The following INTS8 variants were observed in gnomAD, a reference collection of about 807,000 sequenced individuals.
INTS8 encodes the protein integrator complex subunit 8, also known as protein kaonashi-1.
In INTS8, 47 loss-of-function variants were observed where a neutral mutation model predicts 138.9. That is an observed-to-expected ratio of 0.34 (90% CI 0.27 to 0.43). The LOEUF (loss-of-function observed/expected upper bound fraction) is 0.43. Among genes scored for constraint, INTS8 ranks in the 20% least tolerant of loss-of-function variants. The probability of loss-of-function intolerance (pLI) is 1.00; values close to 1 mark genes in which losing one functional copy is unlikely to be tolerated. For synonymous variants in INTS8, 392 were observed against 400.9 expected (o/e 0.98, Z 0.27); for missense variants, 996 against 1,173.0 (o/e 0.85, Z 2.20).
chr8:94,847,371 T>C (rs558772230), intron 10 of INTS8, among the ~76,000 whole-genome samples: 1 of 152,282 alleles, frequency 6.6e-6, no homozygotes, highest in African/African-American at 2.4e-5. Context: ...TTCTTGTCCT[T>C]CCTTTGATTT....
intron 5 of INTS8, among the ~76,000 whole-genome samples, chr8:94,829,692 A>G (rs1814640940): frequency 1.3e-5 from 2 of 152,278 alleles, no homozygotes; most frequent in South Asian, 2.1e-4. Flanking sequence ...GGTTTTTACT[A>G]TTAGGATATA....
intron 1 of INTS8, 101 bp downstream of exon 1, chr8:94,823,662 C>T: frequency 1.0e-6 from 1 of 987,382 alleles, no homozygotes; most frequent in Non-Finnish European, 1.5e-6. Flanking sequence ...AAGCTGCGGC[C>T]TGGGAGGCGC....
At chr8:94,836,249 C>T (rs2131006296) in intron 6 of INTS8, among the ~76,000 whole-genome samples, 1 of 152,230 alleles carries the variant, frequency 6.6e-6, no homozygotes, top group South Asian at 2.1e-4. Context: ...CTGCATGCCT[C>T]CTTTGCCCTT....
At position 94,859,517 on chromosome 8, in the gene INTS8, C is replaced by G. The variant is rs1363272902; in HGVS notation, c.1961C>G (p.Pro654Arg). 1.2e-6 allele frequency: 2 copies of G among 1,611,828 alleles called. No individual in the cohort carries two copies. The highest frequency in any genetic ancestry group is 2.7e-5 in the African/African-American group (2 of 74,768). Reference sequence around the variant, plus strand: ...TTTCTTCTTTGCTTTTTAGATATTCCTCTTCGTCAAGTTATAGCTGAGGAA... The same window carrying G: ...TTTCTTCTTTGCTTTTTAGATATTCGTCTTCGTCAAGTTATAGCTGAGGAA... ...GYLEMRLPDI[P>R]LRQVIAEECV... is the part of the protein sequence containing the mutation. Residue 654 changes from proline (P) to arginine (R), a missense_variant, in exon 16 of 27, where the codon CCT becomes CGT. By Grantham distance (103) the Pro-to-Arg change is moderately radical (BLOSUM62 -2). Coordinates refer to ENST00000523731, the MANE Select transcript of INTS8 (RefSeq NM_017864.4).
At chr8:94,837,987 G>C (rs548333991) in intron 7 of INTS8, among the ~76,000 whole-genome samples, 26 of 146,066 alleles carry the variant, frequency 1.8e-4, no homozygotes, top group African/African-American at 5.8e-4. Context: ...TTTGACCCCT[G>C]TTCTAAACCT....
Position 94,853,788 on chromosome 8 carries a change from T to A in INTS8, c.1642-17T>A. ...CTCTATGTGTGCATATATATATGTA[T>A]TTTTTGTTTCTTTTAGTGGGAAGTA... On this transcript the variant is annotated splice_polypyrimidine_tract_variant and intron_variant, in intron 13 of 26. Coordinates refer to ENST00000523731, the MANE Select transcript of INTS8 (RefSeq NM_017864.4). 7.1e-7 allele frequency: 1 copy of A among 1,413,870 alleles called. No individual in the cohort carries two copies. Among genetic ancestry groups the A allele is most frequent in the Non-Finnish European group, 1.0e-6 (1 of 998,138 alleles). 87.6% of individuals were successfully genotyped at this position (1,413,870 alleles called of 1,614,324 possible).
chr8:94,875,144 CAT>C (rs1406814914), intron 23 of INTS8, among the ~76,000 whole-genome samples: 2 of 152,144 alleles, frequency 1.3e-5, no homozygotes, highest in East Asian at 1.9e-4. Context: ...CAACTGAAAA[CAT>C]ATGTCCACAG....
chr8:94,881,352 T>C lies in INTS8; in HGVS notation c.*1118T>C. 2.4e-6 allele frequency: 1 copy of C among 411,852 alleles called. No individual in the cohort carries two copies. The highest frequency in any genetic ancestry group is 6.5e-5 in the South Asian group (1 of 15,400). The allele number at this position is 411,852 out of a possible 1,614,324, so 25.5% of individuals were successfully genotyped here. On this transcript the variant is annotated 3_prime_UTR_variant, in exon 27 of 27. Coordinates refer to ENST00000523731, the MANE Select transcript of INTS8 (RefSeq NM_017864.4). ...GTAACACTGGATTAAAGGAAAAACATTGCTATGGTATAGACTGTGGTTGGC... is the reference window on the plus strand; with the variant it reads ...GTAACACTGGATTAAAGGAAAAACACTGCTATGGTATAGACTGTGGTTGGC...
chr8:94,856,667 A>T, intron 14 of INTS8, 110 bp from the exon 15 acceptor site: 1 of 844,914 alleles, frequency 1.2e-6, no homozygotes, highest in South Asian at 1.6e-5. Flanking sequence ...GAGAAAAGCA[A>T]CGTTAACCAT....
Position 94,881,368 on chromosome 8 carries a change from TGTGGTTGG to T in INTS8, c.*1135_*1142del. ...GGAAAAACATTGCTATGGTATAGAC[TGTGGTTGG>T]CTTCTATCCAGTAACCTTGGGAATG... On this transcript the variant is annotated 3_prime_UTR_variant, in exon 27 of 27. Coordinates refer to ENST00000523731, the MANE Select transcript of INTS8 (RefSeq NM_017864.4). 2.0e-6 allele frequency: 1 copy of T among 501,680 alleles called. No homozygotes were observed. The allele number at this position is 501,680 out of a possible 1,614,324, so 31.1% of individuals were successfully genotyped here. A position where few individuals can be genotyped will look rare whatever the true frequency, so the allele number is the denominator to read the frequency against.
intron 16 of INTS8, chr8:94,864,806 C>G (rs1166374915): frequency 6.6e-6 from 1 of 152,198 alleles, no homozygotes; most frequent in African/African-American, 2.4e-5. Context: ...CTGGGTCCTC[C>G]CTACATCCTA....
At chr8:94,872,674 C>CCT (rs1295881496) in intron 21 of INTS8, among the ~76,000 whole-genome samples, 1 of 152,148 alleles carries the variant, frequency 6.6e-6, no homozygotes, top group Non-Finnish European at 1.5e-5. Context: ...CCCCATTACT[C>CCT]CTCTGCTGGG....
At chr8:94,826,314 C>T (rs1586462323) in intron 2 of INTS8, among the ~76,000 whole-genome samples, 2 of 151,806 alleles carry the variant, frequency 1.3e-5, no homozygotes, top group South Asian at 4.2e-4. Context: ...CGGAGTCTCG[C>T]TCTGTCACCC....
At chr8:94,825,197 TCCCGG>T in intron 2 of INTS8, 130 bp downstream of exon 2, 1 of 575,564 alleles carries the variant, frequency 1.7e-6, no homozygotes, top group East Asian at 3.3e-5. Flanking sequence ...CCTATAATAA[TCCCGG>T]CACTTTGGGG....
chr8:94,827,126 T>C lies in INTS8; in HGVS notation c.306-137T>C. The stretch of plus-strand genomic sequence containing the variant: ...TCTCAAAAAAAAGAAAAAAAAACTT[T>C]TTCACATTTGATAGCTAAACCCAGA... On this transcript the variant is annotated intron_variant, in intron 2 of 26. Transcript: ENST00000523731. 5 of 766,118 alleles carry C rather than the reference T, an allele frequency of 6.5e-6. No individual in the cohort carries two copies. In the South Asian group the frequency reaches 7.1e-5, roughly 11 times the overall value. The allele number at this position is 766,118 out of a possible 1,614,324, so 47.5% of individuals were successfully genotyped here.
chr8:94,869,598 T>G (rs1461998495), intron 20 of INTS8, among the ~76,000 whole-genome samples: 1 of 152,158 alleles, frequency 6.6e-6, no homozygotes, highest in African/African-American at 2.4e-5. Context: ...GTTCAAGCAA[T>G]TCTCCTGCCT....
chr8:94,827,269 T>A lies in INTS8; in HGVS notation c.312T>A (p.Ser104=). 6.2e-7 allele frequency: 1 copy of A among 1,613,306 alleles called. No homozygotes were observed. Among genetic ancestry groups the A allele is most frequent in the Middle Eastern group, 1.6e-4 (1 of 6,062 alleles). Residue 104 remains serine (S), a synonymous_variant, in exon 3 of 27, where the codon TCT becomes TCA. Transcript: ENST00000523731. ...TACGTTTTGCTTCTTCAAGTTTGTC[T>A]GTTCCAGTATTGAATATGCTACTAA... The part of the protein sequence containing the change: ...WDLDILEKSL[S]VPVLNMLLNE...
chr8:94,844,039 A>ATT (rs1815239163), intron 10 of INTS8, among the ~76,000 whole-genome samples: 1 of 81,950 alleles, frequency 1.2e-5, no homozygotes, highest in African/African-American at 4.6e-5. Context: ...TTTTTTTTTT[A>ATT]TTTTTTTATT....
At position 94,831,999 on chromosome 8, in the gene INTS8, A is replaced by G. The variant is rs1008646023; in HGVS notation, c.578A>G (p.Glu193Gly). 4 of 1,592,684 alleles carry G rather than the reference A, an allele frequency of 2.5e-6. No homozygotes were observed. Among genetic ancestry groups the G allele is most frequent in the Non-Finnish European group, 3.4e-6 (4 of 1,172,830 alleles). ...GTTTATTGATTTCTGTAGCTCAAAG[A>G]ACAAGCTGCTGATTCTATTTTGGTA... is the stretch of plus-strand genomic sequence containing the variant. ...LTENILKVLKEQAADSILVLE... is the reference protein window; with the variant it reads ...LTENILKVLKGQAADSILVLE... Residue 193 changes from glutamate (E) to glycine (G), a missense_variant, in exon 6 of 27, where the codon GAA becomes GGA. Glu to Gly is a moderately conservative substitution (Grantham distance 98). Coordinates refer to ENST00000523731, the MANE Select transcript of INTS8 (RefSeq NM_017864.4).
Sources: allele counts gnomAD v4.1 joint callset (sites outside exome capture counted in the v4.1 genomes callset), GRCh38; gene constraint gnomAD v4.1.1; transcripts MANE v1.5; gene names NCBI Gene and HGNC (gene_info 2026-07-23, HGNC 2026-07-21).